Variants in OPCML observed in about 807,000 individuals in gnomAD.
The protein encoded by OPCML is opioid-binding protein/cell adhesion molecule.
In OPCML, 13 loss-of-function variants were observed where a neutral mutation model predicts 37.8. The ratio of observed to expected loss-of-function variants is 0.34; its 90% CI spans 0.22 to 0.55. OPCML has a LOEUF of 0.55. Ranked by LOEUF, OPCML falls within the 20% of genes least tolerant of loss-of-function variation. The pLI is 0.91. For missense variants in OPCML, 341 were observed against 435.6 expected (o/e 0.78, Z 1.93); for synonymous variants, 176 against 168.8 (o/e 1.04, Z -0.33).
chr11:132,554,930 T>C (rs2096391568), intron 3 of OPCML, among the ~76,000 whole-genome samples: 1 of 126,178 alleles, frequency 7.9e-6, no homozygotes, highest in Non-Finnish European at 1.6e-5. Context: ...ATCTGAGACG[T>C]AGAGTTTCTG....
At chr11:132,550,487 A>G (rs911199586) in intron 3 of OPCML, among the ~76,000 whole-genome samples, 4 of 152,178 alleles carry the variant, frequency 2.6e-5, no homozygotes, top group African/African-American at 9.6e-5. Flanking sequence ...CCCCATGAGT[A>G]AAAGCTCTCT....
intron 2 of OPCML, among the ~76,000 whole-genome samples, chr11:132,779,251 A>G (rs1946915435): frequency 6.6e-6 from 1 of 152,154 alleles, no homozygotes; most frequent in African/African-American, 2.4e-5. Flanking sequence ...TACAGGCATG[A>G]GTCACCACAC....
At chr11:132,424,634 G>A (rs925654312) in intron 7 of OPCML, among the ~76,000 whole-genome samples, 1 of 152,130 alleles carries the variant, frequency 6.6e-6, no homozygotes, top group Non-Finnish European at 1.5e-5. Flanking sequence ...GGACCCATTT[G>A]GATTTAAATT....
chr11:132,687,902 C>G (rs1943234083), intron 2 of OPCML, among the ~76,000 whole-genome samples: 1 of 152,170 alleles, frequency 6.6e-6, no homozygotes, highest in Non-Finnish European at 1.5e-5. Flanking sequence ...AGATATTCCA[C>G]TAATTTGCTT....
At chr11:132,708,208 T>C (rs1944113238) in intron 2 of OPCML, among the ~76,000 whole-genome samples, 1 of 152,226 alleles carries the variant, frequency 6.6e-6, no homozygotes. Context: ...GGATAGACTG[T>C]AAAACTCTAG....
Position 132,436,111 on chromosome 11 carries a change from G to T in OPCML, c.891C>A (p.Asn297Lys). 6.2e-7 allele frequency: 1 copy of T among 1,614,040 alleles called. No individual in the cohort carries two copies. The highest frequency in any genetic ancestry group is 8.5e-7 in the Non-Finnish European group (1 of 1,179,968). Residue 297 changes from asparagine to lysine, a missense_variant, in exon 7 of 8, where the codon AAC becomes AAA. Coordinates refer to ENST00000524381, the MANE Select transcript of OPCML (RefSeq NM_001012393.5). ...CATACAATGTGATGCTGGCATTGGT[G>T]TTCCCAAGCTTGTTCGTGGCCACAC... ...YTCVATNKLGNTNASITLYGP... is the reference protein window; with the variant it reads ...YTCVATNKLGKTNASITLYGP...
At chr11:133,032,799 CAA>C (rs957524156) in intron 1 of OPCML, among the ~76,000 whole-genome samples, 19 of 152,164 alleles carry the variant, frequency 1.2e-4, no homozygotes, top group African/African-American at 4.6e-4. Flanking sequence ...TGGTACAACT[CAA>C]AGACTCTAAT....
chr11:133,296,397 C>T (rs181801490), intron 1 of OPCML, among the ~76,000 whole-genome samples: 194 of 152,262 alleles, frequency 1.3e-3, no homozygotes, highest in African/African-American at 4.2e-3. Flanking sequence ...TAAAAGACTC[C>T]GCAGGTACTG....
At chr11:132,604,596 C>T (rs1938151464) in intron 3 of OPCML, among the ~76,000 whole-genome samples, 1 of 152,162 alleles carries the variant, frequency 6.6e-6, no homozygotes, top group South Asian at 2.1e-4. Context: ...TCAAACAAGA[C>T]TTTCAAATAA....
At chr11:132,464,490 CTGG>C (rs2096113525) in intron 4 of OPCML, among the ~76,000 whole-genome samples, 1 of 152,148 alleles carries the variant, frequency 6.6e-6, no homozygotes, top group Non-Finnish European at 1.5e-5. Context: ...TCTCTAATGT[CTGG>C]AATATGGCCT....
chr11:133,368,226 T>C (rs1246927113), intron 1 of OPCML, among the ~76,000 whole-genome samples: 6 of 99,264 alleles, frequency 6.0e-5, no homozygotes, highest in Admixed American at 2.5e-4. Flanking sequence ...GGGAGGAATA[T>C]AGAGAAGGAA....
intron 3 of OPCML, among the ~76,000 whole-genome samples, chr11:132,579,987 G>A (rs1028463306): frequency 6.6e-6 from 1 of 152,164 alleles, no homozygotes; most frequent in Non-Finnish European, 1.5e-5. Context: ...CTCATCAAGG[G>A]CAGGCTCTGG....
chr11:132,512,986 T>C (rs1236713230), intron 4 of OPCML, among the ~76,000 whole-genome samples: 1 of 152,044 alleles, frequency 6.6e-6, no homozygotes, highest in African/African-American at 2.4e-5. Context: ...GCAAGATTTT[T>C]TTAAATAAAA....
At chr11:133,314,178 T>TG (rs1565566436) in intron 1 of OPCML, among the ~76,000 whole-genome samples, 1 of 124,786 alleles carries the variant, frequency 8.0e-6, no homozygotes, top group East Asian at 2.4e-4. Context: ...GAGCTTGCAG[T>TG]GAGCCGAGAT....
intron 1 of OPCML, among the ~76,000 whole-genome samples, chr11:133,525,809 T>G (rs1394514410): frequency 6.6e-6 from 1 of 152,202 alleles, no homozygotes. Flanking sequence ...CTGTGCAATC[T>G]GATTGTCACT....
chr11:133,196,966 C>T (rs1173540630), intron 1 of OPCML, among the ~76,000 whole-genome samples: 6 of 152,190 alleles, frequency 3.9e-5, no homozygotes, highest in Non-Finnish European at 8.8e-5. Flanking sequence ...CTAGTAAAGA[C>T]AGGGTGCAGA....
intron 1 of OPCML, among the ~76,000 whole-genome samples, chr11:133,519,557 A>C (rs1485350177): frequency 6.6e-6 from 1 of 152,122 alleles, no homozygotes; most frequent in Non-Finnish European, 1.5e-5. Flanking sequence ...AGATTATAAG[A>C]TGCTTTTACC....
chr11:132,818,041 G>C (rs575434595), intron 2 of OPCML, among the ~76,000 whole-genome samples: 4 of 152,222 alleles, frequency 2.6e-5, no homozygotes, highest in African/African-American at 9.6e-5. Context: ...CATAAACCTG[G>C]ATAGAATCCC....
At chr11:132,951,865 G>C (rs1400345608) in intron 1 of OPCML, among the ~76,000 whole-genome samples, 4 of 152,336 alleles carry the variant, frequency 2.6e-5, no homozygotes, top group African/African-American at 9.6e-5. Context: ...AAATGAAAAG[G>C]CTTCTGTGGT....
Sources: gnomAD v4.1 joint callset for allele counts (sites outside exome capture counted in the v4.1 genomes callset) on GRCh38, gnomAD v4.1.1 for gene constraint, MANE v1.5 for transcripts, NCBI Gene and HGNC (gene_info 2026-07-23, HGNC 2026-07-21) for gene names.